Variants in CTCF observed in about 807,000 individuals in gnomAD.
CTCF encodes the protein transcriptional repressor CTCF.
In CTCF, 7 loss-of-function variants were observed where a neutral mutation model predicts 72.3. The ratio of observed to expected loss-of-function variants is 0.10; its 90% CI spans 0.06 to 0.18. CTCF has a LOEUF of 0.18. Among genes scored for constraint, CTCF ranks in the 10% least tolerant of loss-of-function variants. The pLI is 1.00. For synonymous variants in CTCF, 374 were observed against 315.8 expected (o/e 1.18, Z -1.95); for missense variants, 516 against 949.1 (o/e 0.54, Z 6.00).
At chr16:67,593,660 T>G (rs565483755) in intron 2 of CTCF, among the ~76,000 whole-genome samples, 1 of 152,308 alleles carries the variant, frequency 6.6e-6, no homozygotes, top group South Asian at 2.1e-4. Flanking sequence ...TCATGGGGTC[T>G]TAGAGCTGCT....
At chr16:67,604,540 G>A (rs749126020) in intron 2 of CTCF, among the ~76,000 whole-genome samples, 4 of 151,838 alleles carry the variant, frequency 2.6e-5, no homozygotes, top group Admixed American at 6.6e-5. Flanking sequence ...ACAGGATTTC[G>A]CCATGTTAGC....
At chr16:67,563,413 C>G (rs2051304313) in intron 1 of CTCF, 1 of 152,208 alleles carries the variant, frequency 6.6e-6, no homozygotes, top group Admixed American at 6.5e-5. Flanking sequence ...GCAGCGGCTG[C>G]GAGCAGAGGG....
At chr16:67,624,933 CT>C (rs773942417) in intron 7 of CTCF, among the ~76,000 whole-genome samples, 4 of 151,194 alleles carry the variant, frequency 2.6e-5, no homozygotes, top group Admixed American at 6.6e-5. Context: ...TGCTTGTGTG[CT>C]TTGTGTGAGA....
Position 67,571,421 on chromosome 16 carries a change from C to G in CTCF, c.-10+157C>G, listed in dbSNP as rs148636444. The stretch of plus-strand genomic sequence containing the variant: ...CATAATCAGAGTCCTGGGTTTGAAA[C>G]TCTTTACGATGATATACTAGCTGGG... On this transcript the variant is annotated intron_variant, in intron 2 of 11. Coordinates refer to ENST00000264010, the MANE Select transcript of CTCF (RefSeq NM_006565.4). Among the ~76,000 whole-genome samples the G allele has an allele frequency of 8.5e-5, 13 of 152,250 alleles. No homozygotes were observed. The East Asian group carries it at 2.3e-3, about 27-fold the overall frequency.
intron 2 of CTCF, among the ~76,000 whole-genome samples, chr16:67,574,085 CCAAA>C (rs1162794781): frequency 1.3e-5 from 2 of 151,872 alleles, no homozygotes; most frequent in Non-Finnish European, 2.9e-5. Context: ...TCCTCACACA[CCAAA>C]CAGTGTATGC....
intron 2 of CTCF, among the ~76,000 whole-genome samples, chr16:67,608,460 A>G (rs550736765): frequency 6.6e-6 from 1 of 152,324 alleles, no homozygotes; most frequent in South Asian, 2.1e-4. Flanking sequence ...AGTGTCTACA[A>G]ACACGGCCAT....
At chr16:67,616,469 G>C (rs2052133246) in intron 4 of CTCF, 1 of 364,718 alleles carries the variant, frequency 2.7e-6, no homozygotes, top group Non-Finnish European at 5.1e-6. Flanking sequence ...CACAAAATAG[G>C]AATAAGAAGG....
chr16:67,600,384 A>G (rs2051870872), intron 2 of CTCF, among the ~76,000 whole-genome samples: 1 of 151,714 alleles, frequency 6.6e-6, no homozygotes, highest in African/African-American at 2.4e-5. Flanking sequence ...GGTTACAGGC[A>G]TGCACCACCA....
intron 10 of CTCF, among the ~76,000 whole-genome samples, chr16:67,631,175 T>G (rs1359475937): frequency 9.4e-5 from 14 of 149,236 alleles, no homozygotes; most frequent in South Asian, 6.4e-4. Context: ...GTTTTTTGTT[T>G]TTTTTTTGAG....
chr16:67,597,089 A>T (rs1438438003), intron 2 of CTCF, among the ~76,000 whole-genome samples: 2 of 152,100 alleles, frequency 1.3e-5, no homozygotes, highest in Non-Finnish European at 2.9e-5. Context: ...GCTGGAGTAC[A>T]ATGGCACAAT....
rs149769666 is a variant in CTCF at position 67,636,250 on chromosome 16, C to A, written c.1838-440C>A. On this transcript the variant is annotated intron_variant, in intron 10 of 11. Coordinates refer to ENST00000264010, the MANE Select transcript of CTCF (RefSeq NM_006565.4). ...AATCAGCCAGGTGTGGTGGCGTATGCCTGTAGTCACAGCTACTCAGGAGGC... is the reference window on the plus strand; with the variant it reads ...AATCAGCCAGGTGTGGTGGCGTATGACTGTAGTCACAGCTACTCAGGAGGC... Among the ~76,000 whole-genome samples the A allele has an allele frequency of 6.9e-3, 1,054 of 152,090 alleles. 4 individuals carry two copies. Among genetic ancestry groups the A allele is most frequent in the Non-Finnish European group, 0.01 (686 of 68,006 alleles).
chr16:67,598,238 A>G (rs1221760580), intron 2 of CTCF, among the ~76,000 whole-genome samples: 1 of 152,166 alleles, frequency 6.6e-6, no homozygotes, highest in Non-Finnish European at 1.5e-5. Context: ...TCAGCCTCCC[A>G]AAGTCCTAGC....
intron 2 of CTCF, among the ~76,000 whole-genome samples, chr16:67,572,946 CG>C (rs1479600445): frequency 1.1e-4 from 11 of 102,344 alleles, no homozygotes; most frequent in African/African-American, 2.4e-4. Context: ...TGCCCCCCCC[CG>C]CCCCCCCCCC....
At chr16:67,602,730 A>G (rs1031438161) in intron 2 of CTCF, among the ~76,000 whole-genome samples, 3 of 151,360 alleles carry the variant, frequency 2.0e-5, no homozygotes, top group East Asian at 3.9e-4. Context: ...AATCCCAGCT[A>G]CTCGGGAGGC....
chr16:67,581,532 C>T (rs2051582410), intron 2 of CTCF, among the ~76,000 whole-genome samples: 1 of 151,956 alleles, frequency 6.6e-6, no homozygotes, highest in Admixed American at 6.6e-5. Flanking sequence ...CAGACAGAGT[C>T]TTCCTCTGTT....
intron 9 of CTCF, among the ~76,000 whole-genome samples, 190 bp from the exon 10 acceptor site, chr16:67,629,208 C>T (rs1338704703): frequency 6.6e-6 from 1 of 151,398 alleles, no homozygotes; most frequent in Non-Finnish European, 1.5e-5. Flanking sequence ...TCTCTGTCTG[C>T]AGGCTGCTGA....
intron 4 of CTCF, chr16:67,616,170 A>G (rs1229579035): frequency 6.6e-6 from 1 of 152,590 alleles, no homozygotes; most frequent in Non-Finnish European, 1.5e-5. Context: ...TAAATCACAT[A>G]AAAGGAAATA....
At chr16:67,570,407 A>G (rs1484178987) in intron 1 of CTCF, among the ~76,000 whole-genome samples, 1 of 148,422 alleles carries the variant, frequency 6.7e-6, no homozygotes, top group Non-Finnish European at 1.5e-5. Context: ...TAGTTTGAAT[A>G]TGTGTGCCAT....
intron 2 of CTCF, among the ~76,000 whole-genome samples, chr16:67,583,431 A>G (rs988242371): frequency 2.6e-5 from 4 of 152,082 alleles, no homozygotes; most frequent in Admixed American, 2.6e-4. Context: ...TCACGCCTGT[A>G]ATCCCAGCAC....
Sources: gnomAD v4.1 joint callset for allele counts (sites outside exome capture counted in the v4.1 genomes callset) on GRCh38, gnomAD v4.1.1 for gene constraint, MANE v1.5 for transcripts, NCBI Gene and HGNC (gene_info 2026-07-23, HGNC 2026-07-21) for gene names.